Variants in SAMD12 observed in about 807,000 individuals in gnomAD.
The protein encoded by SAMD12 is sterile alpha motif domain containing 12.
A neutral mutation model predicts 15.0 loss-of-function variants in SAMD12; 9 were observed. The ratio of observed to expected loss-of-function variants is 0.60; its 90% confidence interval spans 0.36 to 1.05. SAMD12 has a LOEUF of 1.05. SAMD12 is among the 50% of genes least tolerant of loss of function. SAMD12 has a pLI of 0.01. For missense variants in SAMD12, 230 were observed against 234.2 expected (o/e 0.98, Z 0.12); for synonymous variants, 86 against 90.1 (o/e 0.96, Z 0.25).
At chr8:118,272,678 A>G (rs1430734604) in intron 4 of SAMD12, among the ~76,000 whole-genome samples, 1 of 152,174 alleles carries the variant, frequency 6.6e-6, no homozygotes, top group Non-Finnish European at 1.5e-5. Context: ...TCTCAAGTTC[A>G]AAGTTCCACA....
intron 1 of SAMD12, among the ~76,000 whole-genome samples, chr8:118,587,029 G>C (rs1827468011): frequency 6.6e-6 from 1 of 152,206 alleles, no homozygotes; most frequent in African/African-American, 2.4e-5. Flanking sequence ...GCAAAGCAGA[G>C]ACTATCTTAT....
chr8:118,347,484 A>G (rs556308120), intron 4 of SAMD12, among the ~76,000 whole-genome samples: 3 of 152,320 alleles, frequency 2.0e-5, no homozygotes, highest in South Asian at 2.1e-4. Context: ...TTTCTCCACA[A>G]TGGTCTCAAA....
At chr8:118,609,642 T>C (rs759890873) in intron 1 of SAMD12, among the ~76,000 whole-genome samples, 10 of 152,226 alleles carry the variant, frequency 6.6e-5, no homozygotes, top group South Asian at 2.1e-4. Flanking sequence ...GAAACATTTC[T>C]AACATCTGCC....
chr8:118,405,887 A>C (rs1424399746), intron 3 of SAMD12, among the ~76,000 whole-genome samples: 2 of 152,192 alleles, frequency 1.3e-5, no homozygotes, highest in Non-Finnish European at 2.9e-5. Context: ...TATTTTCTGT[A>C]AATAAATGTT....
intron 3 of SAMD12, among the ~76,000 whole-genome samples, chr8:118,428,406 A>G (rs1339766168): frequency 6.8e-6 from 1 of 147,922 alleles, no homozygotes. Flanking sequence ...CTCAAAAACA[A>G]TAACAAAGAA....
chr8:118,182,409 A>G, the SAMD12 span, among the ~76,000 whole-genome samples: 11 of 152,192 alleles, frequency 7.2e-5, no homozygotes, highest in Admixed American at 7.2e-4. Flanking sequence ...GATGGCCTGT[A>G]AGGTTGGCAT....
intron 3 of SAMD12, among the ~76,000 whole-genome samples, chr8:118,393,047 C>A (rs1159376539): frequency 6.6e-6 from 1 of 152,144 alleles, no homozygotes; most frequent in Non-Finnish European, 1.5e-5. Flanking sequence ...CAACAAAACA[C>A]TTACTTTTGG....
At chr8:118,144,687 GGA>G in the SAMD12 span, among the ~76,000 whole-genome samples, 1 of 151,822 alleles carries the variant, frequency 6.6e-6, no homozygotes, top group African/African-American at 2.4e-5. Context: ...GTGGGAAAAG[GGA>G]GAGAGAGAGG....
intron 1 of SAMD12, among the ~76,000 whole-genome samples, chr8:118,618,603 G>A (rs1828306858): frequency 6.6e-6 from 1 of 152,060 alleles, no homozygotes; most frequent in Non-Finnish European, 1.5e-5. Flanking sequence ...ACTTTGGGAG[G>A]CCGAGGCGGG....
chr8:118,440,078 T>C, intron 2 of SAMD12, 117 bp from the exon 3 acceptor site: 1 of 1,002,818 alleles, frequency 1.0e-6, no homozygotes, highest in Non-Finnish European at 1.5e-6. Flanking sequence ...GATAAATATC[T>C]AGTTCTTGTC....
exon 5 of SAMD12, chr8:118,195,217 T>A (rs1819525362): frequency 6.6e-6 from 1 of 152,256 alleles, no homozygotes; most frequent in Non-Finnish European, 1.5e-5. Flanking sequence ...AGTGAACATT[T>A]GCACTACAAA....
At chr8:118,301,987 T>A (rs1051725589) in intron 4 of SAMD12, among the ~76,000 whole-genome samples, 2 of 150,458 alleles carry the variant, frequency 1.3e-5, no homozygotes, top group African/African-American at 4.9e-5. Context: ...AAGCTCGGGC[T>A]AGGGACAATA....
chr8:118,611,731 A>C (rs1828116661), intron 1 of SAMD12, among the ~76,000 whole-genome samples: 1 of 152,210 alleles, frequency 6.6e-6, no homozygotes, highest in Non-Finnish European at 1.5e-5. Context: ...TATTAGGGCA[A>C]CTGTTTGTCT....
intron 3 of SAMD12, among the ~76,000 whole-genome samples, chr8:118,383,512 A>AAC (rs141820566): frequency 0.049 from 7,498 of 152,202 alleles, 603 homozygotes; most frequent in African/African-American, 0.17. Context: ...GTAGACAGAC[A>AAC]ACAGGAGCAC....
intron 4 of SAMD12, among the ~76,000 whole-genome samples, chr8:118,258,343 T>G (rs909991626): frequency 4.6e-5 from 7 of 152,156 alleles, no homozygotes; most frequent in Non-Finnish European, 8.8e-5. Context: ...CATCTGGATT[T>G]CTGAAGTCCT....
rs529430235 is a variant in SAMD12, at chr8:118,258,610, C to T, written c.434-60878G>A. Reference sequence around the variant, plus strand: ...CATAGATCATATACCTGATCCATTACCCCCCCTCATATGATTTCTACATGG... The same window carrying T: ...CATAGATCATATACCTGATCCATTATCCCCCCTCATATGATTTCTACATGG... On this transcript the variant is annotated intron_variant, in intron 4 of 4. Coordinates refer to the SAMD12 transcript ENST00000409003. Among the ~76,000 whole-genome samples the T allele has an allele frequency of 1.1e-4, 16 of 152,112 alleles. No homozygotes were observed. In the East Asian group the frequency reaches 3.1e-3, roughly 29 times the overall value.
intron 4 of SAMD12, among the ~76,000 whole-genome samples, chr8:118,271,310 T>A (rs1813351075): frequency 6.6e-6 from 1 of 152,074 alleles, no homozygotes. Context: ...GATACCTCAC[T>A]CACTATCATG....
chr8:118,566,785 T>G (rs1353703417), intron 2 of SAMD12, among the ~76,000 whole-genome samples: 2 of 152,180 alleles, frequency 1.3e-5, no homozygotes, highest in African/African-American at 4.8e-5. Flanking sequence ...AGGTATATAT[T>G]TAGGCTTATC....
intron 4 of SAMD12, among the ~76,000 whole-genome samples, chr8:118,200,269 C>A (rs1460102019): frequency 2.0e-5 from 3 of 151,856 alleles, no homozygotes; most frequent in Non-Finnish European, 4.4e-5. Context: ...TAGGTGTGTC[C>A]CCCTCTAGTG....
Sources: allele counts gnomAD v4.1 joint callset (sites outside exome capture counted in the v4.1 genomes callset), GRCh38; gene constraint gnomAD v4.1.1; transcripts MANE v1.5; gene names NCBI Gene and HGNC (gene_info 2026-07-23, HGNC 2026-07-21).